NAGLU: variants seen among roughly 807,000 people sequenced by gnomAD.
The protein encoded by NAGLU is alpha-N-acetylglucosaminidase.
A neutral mutation model predicts 43.4 loss-of-function variants in NAGLU; 34 were observed. That is an observed-to-expected ratio of 0.78 (90% CI 0.60 to 1.04). NAGLU has a LOEUF of 1.04. Among genes scored for constraint, NAGLU ranks in the 50% least tolerant of loss-of-function variants. The probability of loss-of-function intolerance (pLI) is 0.00; values close to 1 mark genes in which losing one functional copy is unlikely to be tolerated. For synonymous variants in NAGLU, 425 were observed against 437.6 expected (o/e 0.97, Z 0.36); for missense variants, 910 against 993.7 (o/e 0.92, Z 1.13).
At chr17:42,541,251 A>G in intron 5 of NAGLU, 45 bp downstream of exon 5, 1 of 1,606,420 alleles carries the variant, frequency 6.2e-7, no homozygotes, top group East Asian at 2.2e-5. Context: ...GACCCTCAAA[A>G]AGAAGGGAGT....
chr17:42,540,412 A>G (rs2143095188), intron 4 of NAGLU, among the ~76,000 whole-genome samples: 1 of 151,846 alleles, frequency 6.6e-6, no homozygotes, highest in East Asian at 1.9e-4. Context: ...AAAAAAAAAA[A>G]AAAGCTGGGT....
At chr17:42,538,314 C>T in intron 2 of NAGLU, 25 bp from the exon 3 acceptor site, 1 of 1,614,064 alleles carries the variant, frequency 6.2e-7, no homozygotes, top group Non-Finnish European at 8.5e-7. Context: ...GAATATATTT[C>T]TATGTGTGGG....
At chr17:42,536,982 A>G in intron 1 of NAGLU, 1 of 459,450 alleles carries the variant, frequency 2.2e-6, no homozygotes, top group Non-Finnish European at 3.9e-6. Context: ...GGACTGAGGA[A>G]GGACGCCTCC....
chr17:42,540,873 G>C (rs1290019845), intron 4 of NAGLU, 77 bp from the exon 5 acceptor site: 59 of 1,607,698 alleles, frequency 3.7e-5, no homozygotes, highest in Non-Finnish European at 3.1e-5. Context: ...CTGTAGAGAA[G>C]TTGGCAAGGC....
chr17:42,543,569 G>T lies in NAGLU; in HGVS notation c.1563G>T (p.Pro521=), dbSNP rs61737297. The part of the protein sequence containing the change: ...GHNRSPLVRR[P]SLQMNTSIWY... ...ATCGTAGCCCGCTGGTCAGGCGGCC[G>T]TCCCTACAGATGAATACCAGCATCT... is the stretch of plus-strand genomic sequence containing the variant. Residue 521 remains proline, a synonymous_variant, in exon 6 of 6, where the codon CCG becomes CCT. Coordinates refer to ENST00000225927, the MANE Select transcript of NAGLU (RefSeq NM_000263.4). 6.2e-7 allele frequency: 1 copy of T among 1,612,258 alleles called. No individual in the cohort carries two copies. The highest frequency in any genetic ancestry group is 1.3e-5 in the African/African-American group (1 of 74,948).
Position 42,543,419 on chromosome 17 carries a change from G to T in NAGLU, c.1413G>T (p.Leu471Phe). The T allele has an allele frequency of 6.2e-7, 1 of 1,602,420 alleles. No individual in the cohort carries two copies. The change falls in exon 6 of 6, where the codon TTG becomes TTT. Residue 471 changes from leucine (L) to phenylalanine (F), a missense_variant. Coordinates refer to ENST00000225927, the MANE Select transcript of NAGLU (RefSeq NM_000263.4). ...GGCGAAAGGACCCAGTGCCAGATTTGGCAGCCTGGGTGACCAGCTTTGCCG... is the reference window on the plus strand; with the variant it reads ...GGCGAAAGGACCCAGTGCCAGATTTTGCAGCCTGGGTGACCAGCTTTGCCG... The part of the protein sequence containing the change: ...LGWRKDPVPD[L>F]AAWVTSFAAR...
In NAGLU at chr17:42,537,165, C is replaced by T. The variant is rs1406446123; in HGVS notation, c.384-233C>T. ...CAGTGTGGCATGAAAGTGGAATATG[C>T]CACCCAAATACCCGCCAGGCTAGAG... On this transcript the variant is annotated intron_variant, in intron 1 of 5. Coordinates refer to ENST00000225927, the MANE Select transcript of NAGLU (RefSeq NM_000263.4). 3 of 576,932 alleles carry T rather than the reference C, an allele frequency of 5.2e-6. No homozygotes were observed. The African/African-American group carries it at 5.6e-5, about 11-fold the overall frequency. The allele number at this position is 576,932 out of a possible 1,614,324, so 35.7% of individuals were successfully genotyped here. A position where few individuals can be genotyped will look rare whatever the true frequency, so the allele number is the denominator to read the frequency against.
intron 4 of NAGLU, among the ~76,000 whole-genome samples, chr17:42,540,542 A>C (rs544675706): frequency 3.8e-4 from 58 of 151,720 alleles, no homozygotes; most frequent in African/African-American, 1.3e-3. Flanking sequence ...TAAAAATACA[A>C]AAAATTAGCC....
In NAGLU at chr17:42,543,281, A is replaced by G. The variant is rs542111369; in HGVS notation, c.1275A>G (p.Gly425=). The G allele has an allele frequency of 6.2e-7, 1 of 1,613,948 alleles. No individual in the cohort carries two copies. The highest frequency in any genetic ancestry group is 1.3e-5 in the African/African-American group (1 of 75,080). The change falls in exon 6 of 6, where the codon GGA becomes GGG. Residue 425 remains glycine, a synonymous_variant. Coordinates refer to ENST00000225927, the MANE Select transcript of NAGLU (RefSeq NM_000263.4). The part of the protein sequence containing the change: ...GLFGALEAVN[G]GPEAARLFPN... Reference sequence around the variant, plus strand: ...TTGGAGCCCTAGAGGCTGTGAACGGAGGCCCAGAAGCTGCCCGCCTCTTCC... The same window carrying G: ...TTGGAGCCCTAGAGGCTGTGAACGGGGGCCCAGAAGCTGCCCGCCTCTTCC...
rs145452809 is a variant in NAGLU, at chr17:42,538,438, G to A, written c.631G>A (p.Asp211Asn). ...WGRMGNLHTW[D>N]GPLPPSWHIK... The stretch of plus-strand genomic sequence containing the variant: ...GCGAATGGGCAACCTGCACACCTGG[G>A]ATGGCCCCCTGCCCCCCTCCTGGCA... The change falls in exon 3 of 6, where the codon GAT becomes AAT. Residue 211 changes from aspartate to asparagine, a missense_variant. Asp to Asn is a conservative substitution (Grantham distance 23). Transcript: ENST00000225927. 3.6e-4 allele frequency: 587 copies of A among 1,614,160 alleles called. 1 individual carries two copies. The highest frequency in any genetic ancestry group is 4.8e-4 in the Non-Finnish European group (566 of 1,180,040).
Position 42,537,390 on chromosome 17 carries a change from GCC to G in NAGLU, c.384-6_384-5del. The G allele has an allele frequency of 6.2e-7, 1 of 1,614,060 alleles. No individual in the cohort carries two copies. Among genetic ancestry groups the G allele is most frequent in the Non-Finnish European group, 8.5e-7 (1 of 1,179,920 alleles). On this transcript the variant is annotated splice_region_variant and splice_polypyrimidine_tract_variant and intron_variant, in intron 1 of 5. Coordinates refer to ENST00000225927, the MANE Select transcript of NAGLU (RefSeq NM_000263.4). ...GGGATGCGCCCCTGCTCATGACACT[GCC>G]CGCAGGTACCGCTATTACCAGAATG...
Position 42,544,239 on chromosome 17 carries a change from TAG to T in NAGLU, c.*3_*4del. 6.2e-7 allele frequency: 1 copy of T among 1,608,158 alleles called. No individual in the cohort carries two copies. The highest frequency in any genetic ancestry group is 8.5e-7 in the Non-Finnish European group (1 of 1,179,992). ...CCGCTGGGTGGCCGGCTCTTGGTGATAGATTCGCCACCACTGGGCCTTGTTTT... is the reference window on the plus strand; with the variant it reads ...CCGCTGGGTGGCCGGCTCTTGGTGATATTCGCCACCACTGGGCCTTGTTTT... On this transcript the variant is annotated 3_prime_UTR_variant, in exon 6 of 6. Transcript: ENST00000225927.
Position 42,543,750 on chromosome 17 carries a change from G to A in NAGLU, c.1744G>A (p.Ala582Thr), listed in dbSNP as rs144238669. The A allele has an allele frequency of 3.1e-6, 5 of 1,610,978 alleles. No individual in the cohort carries two copies. The highest frequency in any genetic ancestry group is 2.2e-5 in the East Asian group (1 of 44,878). Residue 582 changes from alanine (A) to threonine (T), a missense_variant, in exon 6 of 6, where the codon GCC becomes ACC. Ala to Thr is a moderately conservative substitution (Grantham distance 58). Coordinates refer to ENST00000225927, the MANE Select transcript of NAGLU (RefSeq NM_000263.4). ...CTTGTACTATGAGGAGGCAAGAAGC[G>A]CCTACCTGAGCAAGGAGCTGGCCTC... ...VSLYYEEARS[A>T]YLSKELASLL...
At position 42,542,877 on chromosome 17, in the gene NAGLU, G is replaced by A; in HGVS notation, c.1022-151G>A. ...GAACCCTGTCCTGGAGTTTTCAGAG[G>A]GACGCGTATGTGCCACAGAGCGTCC... On this transcript the variant is annotated intron_variant, in intron 5 of 5. Coordinates refer to ENST00000225927, the MANE Select transcript of NAGLU (RefSeq NM_000263.4). 3 of 1,181,786 alleles carry A rather than the reference G, an allele frequency of 2.5e-6. No individual in the cohort carries two copies. The South Asian group carries it at 3.8e-5, about 15-fold the overall frequency. 73.2% of individuals were successfully genotyped at this position (1,181,786 alleles called of 1,614,324 possible).
chr17:42,541,222 G>T lies in NAGLU; in HGVS notation c.1021+16G>T, dbSNP rs776803954. On this transcript the variant is annotated intron_variant, in intron 5 of 5. Coordinates refer to ENST00000225927, the MANE Select transcript of NAGLU (RefSeq NM_000263.4). ...ATGACTGCAGGTACAGTGCCTGGGT[G>T]GGGTGGGAGAGCCCCCCAGACCCTC... 1 of 1,611,218 alleles carries T rather than the reference G, an allele frequency of 6.2e-7. No homozygotes were observed. The highest frequency in any genetic ancestry group is 8.5e-7 in the Non-Finnish European group (1 of 1,179,978).
chr17:42,538,447 CT>C lies in NAGLU; in HGVS notation c.641del (p.Leu214ArgfsTer25). On this transcript the variant is annotated frameshift_variant, in exon 3 of 6. Transcript: ENST00000225927. LOFTEE classifies it high-confidence loss of function. ...MGNLHTWDGP[L>X]PPSWHIKQLY... ...CAACCTGCACACCTGGGATGGCCCCCTGCCCCCCTCCTGGCACATCAAGCAG... is the reference window on the plus strand; with the variant it reads ...CAACCTGCACACCTGGGATGGCCCCCGCCCCCCTCCTGGCACATCAAGCAG... 1 of 1,614,158 alleles carries C rather than the reference CT, an allele frequency of 6.2e-7. No homozygotes were observed. The highest frequency in any genetic ancestry group is 8.5e-7 in the Non-Finnish European group (1 of 1,180,024).
At position 42,543,405 on chromosome 17, in the gene NAGLU, C is replaced by T; in HGVS notation, c.1399C>T (p.Pro467Ser). The change falls in exon 6 of 6, where the codon CCA (proline) becomes TCA (serine). Residue 467 changes from proline to serine, a missense_variant. Pro to Ser is a moderately conservative substitution (Grantham distance 74). Transcript: ENST00000225927. ...GGCTGAGCTGGGCTGGCGAAAGGAC[C>T]CAGTGCCAGATTTGGCAGCCTGGGT... ...LMAELGWRKDPVPDLAAWVTS... is the reference protein window; with the variant it reads ...LMAELGWRKDSVPDLAAWVTS... 1 of 1,605,806 alleles carries T rather than the reference C, an allele frequency of 6.2e-7. No homozygotes were observed. The highest frequency in any genetic ancestry group is 1.1e-5 in the South Asian group (1 of 90,170).
intron 4 of NAGLU, 54 bp from the exon 5 acceptor site, chr17:42,540,896 T>G: frequency 6.2e-7 from 1 of 1,613,914 alleles, no homozygotes; most frequent in Non-Finnish European, 8.5e-7. Flanking sequence ...TTGAACACTA[T>G]GGTGAACACT....
At chr17:42,542,972 C>T (rs2092925254) in intron 5 of NAGLU, 56 bp from the exon 6 acceptor site, 27 of 1,596,268 alleles carry the variant, frequency 1.7e-5, no homozygotes, top group Non-Finnish European at 2.3e-5. Context: ...TGAACATTCC[C>T]TGGGCCCTCT....
Sources: gnomAD v4.1 joint callset for allele counts (sites outside exome capture counted in the v4.1 genomes callset) on GRCh38, gnomAD v4.1.1 for gene constraint, MANE v1.5 for transcripts, NCBI Gene and HGNC (gene_info 2026-07-23, HGNC 2026-07-21) for gene names.